The following VPS37A variants were observed in gnomAD, a reference collection of about 807,000 sequenced individuals.
The protein encoded by VPS37A is VPS37A subunit of ESCRT-I, also known as vacuolar protein sorting-associated protein 37A.
VPS37A carries 30 observed loss-of-function variants against 49.8 expected under a neutral mutation model. The observed-to-expected ratio is 0.60, with a 90% CI of 0.45 to 0.82. The LOEUF (loss-of-function observed/expected upper bound fraction) is 0.82. VPS37A is among the 40% of genes least tolerant of loss of function. The pLI is 0.00. For missense variants in VPS37A, 593 were observed against 464.4 expected, an observed-to-expected ratio of 1.28 and a Z score of -2.55; for synonymous variants, 195 against 160.6, an observed-to-expected ratio of 1.21 and a Z score of -1.62.
chr8:17,271,121 T>TA (rs1417848775), intron 4 of VPS37A, among the ~76,000 whole-genome samples: 2 of 152,214 alleles, frequency 1.3e-5, no homozygotes, highest in African/African-American at 4.8e-5. Flanking sequence ...TGATTCTTCA[T>TA]AGAGTAATTT....
At chr8:17,250,229 C>T (rs1811846289) in intron 1 of VPS37A, among the ~76,000 whole-genome samples, 1 of 152,108 alleles carries the variant, frequency 6.6e-6, no homozygotes, top group South Asian at 2.1e-4. Context: ...CTGAGGCCCT[C>T]CAGACTCCTT....
At chr8:17,277,779 A>C (rs548025202) in intron 6 of VPS37A, among the ~76,000 whole-genome samples, 2 of 151,946 alleles carry the variant, frequency 1.3e-5, no homozygotes, top group Admixed American at 1.3e-4. Flanking sequence ...ATTCAAAACG[A>C]GTTCCACCTA....
chr8:17,280,329 A>T (rs1181595941), intron 8 of VPS37A, 32 bp downstream of exon 8: 1 of 1,604,102 alleles, frequency 6.2e-7, no homozygotes, highest in Non-Finnish European at 8.5e-7. Context: ...AGAAATTTAC[A>T]TAATTTAAAA....
intron 11 of VPS37A, among the ~76,000 whole-genome samples, chr8:17,291,549 T>C (rs1816156702): frequency 6.6e-6 from 1 of 152,074 alleles, no homozygotes; most frequent in Admixed American, 6.5e-5. Flanking sequence ...CTTCTCTAAT[T>C]CTTTTAATTG....
chr8:17,318,845 C>A, the VPS37A span, among the ~76,000 whole-genome samples: 1 of 152,322 alleles, frequency 6.6e-6, no homozygotes, highest in Admixed American at 6.5e-5. Context: ...CCTCTCCAGC[C>A]CCTGCTGCAG....
At chr8:17,324,638 G>A in the VPS37A span, among the ~76,000 whole-genome samples, 1 of 152,214 alleles carries the variant, frequency 6.6e-6, no homozygotes, top group Non-Finnish European at 1.5e-5. Context: ...AAATGACCAT[G>A]TCGATAGCCA....
chr8:17,304,230 G>C (rs1186763219), downstream of VPS37A: 2 of 802,184 alleles, frequency 2.5e-6, no homozygotes, highest in East Asian at 2.8e-5. Flanking sequence ...AAAAATACCA[G>C]ATCAGATATT....
the VPS37A span, chr8:17,313,334 C>T: frequency 1.2e-6 from 2 of 1,613,198 alleles, no homozygotes; most frequent in Admixed American, 1.7e-5. Flanking sequence ...CTTTAATGTG[C>T]CTTAACCAGC....
At chr8:17,250,950 C>G (rs947860063) in intron 1 of VPS37A, among the ~76,000 whole-genome samples, 50 of 152,202 alleles carry the variant, frequency 3.3e-4, no homozygotes, top group Admixed American at 3.0e-3. Flanking sequence ...GTTCTCTCTT[C>G]TAAGTATCAC....
At chr8:17,284,700 A>G (rs1349761293) in intron 10 of VPS37A, 84 bp downstream of exon 10, 7 of 1,427,264 alleles carry the variant, frequency 4.9e-6, no homozygotes, top group African/African-American at 1.5e-5. Context: ...GGTGTTAGCT[A>G]TTTCTCTATT....
downstream of VPS37A, among the ~76,000 whole-genome samples, chr8:17,301,102 C>A (rs1300246955): frequency 1.3e-5 from 2 of 152,170 alleles, no homozygotes; most frequent in Admixed American, 6.5e-5. Flanking sequence ...GTTATAAGAT[C>A]AAGTATTATG....
chr8:17,288,201 C>G (rs1316563826), intron 11 of VPS37A, among the ~76,000 whole-genome samples: 1 of 152,034 alleles, frequency 6.6e-6, no homozygotes, highest in Non-Finnish European at 1.5e-5. Flanking sequence ...CCCTCATAGT[C>G]AAGTTATTTT....
At chr8:17,287,675 C>T (rs1034169381) in intron 11 of VPS37A, among the ~76,000 whole-genome samples, 1 of 149,982 alleles carries the variant, frequency 6.7e-6, no homozygotes, top group South Asian at 2.1e-4. Context: ...AAGACTCTGT[C>T]TCAAAAAAAA....
chr8:17,321,257 T>C, the VPS37A span, among the ~76,000 whole-genome samples: 12 of 152,194 alleles, frequency 7.9e-5, no homozygotes, highest in African/African-American at 2.9e-4. Context: ...AAGAGAGGAA[T>C]GGATGGCCAC....
intron 11 of VPS37A, among the ~76,000 whole-genome samples, chr8:17,288,179 C>G (rs557554022): frequency 6.6e-6 from 1 of 152,236 alleles, no homozygotes; most frequent in African/African-American, 2.4e-5. Flanking sequence ...AAATCCGTTC[C>G]TTACCTCTAT....
At chr8:17,313,447 C>T in the VPS37A span, 1 of 1,212,202 alleles carries the variant, frequency 8.2e-7, no homozygotes, top group Non-Finnish European at 1.2e-6. Flanking sequence ...GGTACTCTCT[C>T]ATTTTACATA....
intron 1 of VPS37A, chr8:17,265,674 T>C: frequency 1.7e-6 from 2 of 1,157,346 alleles, no homozygotes; most frequent in Non-Finnish European, 2.4e-6. Context: ...TCTTGCCTCT[T>C]TACATCATCA....
At chr8:17,254,577 T>C (rs959622971) in intron 1 of VPS37A, among the ~76,000 whole-genome samples, 1 of 152,196 alleles carries the variant, frequency 6.6e-6, no homozygotes, top group African/African-American at 2.4e-5. Context: ...CCAAACTTTA[T>C]ATTGGACTTA....
chr8:17,253,331 G>T (rs141063074), intron 1 of VPS37A, among the ~76,000 whole-genome samples: 1 of 152,142 alleles, frequency 6.6e-6, no homozygotes, highest in Non-Finnish European at 1.5e-5. Context: ...TTTTCCCTCT[G>T]CCTTTTCTTC....
Sources: allele counts gnomAD v4.1 joint callset (sites outside exome capture counted in the v4.1 genomes callset), GRCh38; gene constraint gnomAD v4.1.1; transcripts MANE v1.5; gene names NCBI Gene and HGNC (gene_info 2026-07-23, HGNC 2026-07-21).